CSMD3: variants seen among roughly 807,000 people sequenced by gnomAD.
The protein encoded by CSMD3 is CUB and Sushi multiple domains 3, also known as CUB and sushi domain-containing protein 3.
In CSMD3, 177 loss-of-function variants were observed where a neutral mutation model predicts 435.2. The observed-to-expected ratio is 0.41, with a 90% confidence interval of 0.36 to 0.46. CSMD3 has a LOEUF of 0.46. Ranked by LOEUF, CSMD3 falls within the 20% of genes least tolerant of loss-of-function variation. The pLI, the probability that CSMD3 is intolerant of heterozygous loss-of-function variation, is 0.34. For missense variants in CSMD3, 4,265 were observed against 4,504.6 expected, an observed-to-expected ratio of 0.95 and a Z score of 1.52; for synonymous variants, 1,656 against 1,520.5, an observed-to-expected ratio of 1.09 and a Z score of -2.07.
intron 2 of CSMD3, among the ~76,000 whole-genome samples, chr8:113,285,237 C>T (rs1424133860): frequency 6.7e-6 from 1 of 150,148 alleles, no homozygotes. Context: ...AATGGGGAGC[C>T]ATTGTCTGAC....
intron 32 of CSMD3, among the ~76,000 whole-genome samples, chr8:112,418,113 GAACAGA>G (rs1163344866): frequency 9.2e-5 from 14 of 152,078 alleles, no homozygotes; most frequent in African/African-American, 3.4e-4. Context: ...AGTACTGACA[GAACAGA>G]AATAAAGAAG....
At chr8:112,667,698 A>G (rs995578286) in intron 16 of CSMD3, among the ~76,000 whole-genome samples, 2 of 152,100 alleles carry the variant, frequency 1.3e-5, no homozygotes, top group Non-Finnish European at 2.9e-5. Context: ...TACTTTCAGG[A>G]AGTATACACA....
chr8:112,709,848 C>G (rs1236358664), intron 13 of CSMD3, among the ~76,000 whole-genome samples: 1 of 151,296 alleles, frequency 6.6e-6, no homozygotes. Context: ...GAGAAGACTC[C>G]TGTTGAAAAT....
At chr8:112,781,841 A>C (rs771642722) in intron 13 of CSMD3, among the ~76,000 whole-genome samples, 1 of 152,170 alleles carries the variant, frequency 6.6e-6, no homozygotes, top group South Asian at 2.1e-4. Flanking sequence ...CAGTATCTCC[A>C]TAAGACTGCA....
chr8:113,120,547 T>C (rs983475078), intron 4 of CSMD3, among the ~76,000 whole-genome samples: 10 of 152,222 alleles, frequency 6.6e-5, no homozygotes, highest in African/African-American at 4.8e-5. Context: ...CAGCGTTTTA[T>C]GTATTTAGTA....
chr8:113,427,765 G>A (rs1268859771), intron 1 of CSMD3, among the ~76,000 whole-genome samples: 3 of 151,580 alleles, frequency 2.0e-5, no homozygotes, highest in African/African-American at 7.3e-5. Context: ...TTCCTGCCTA[G>A]TAAACACTAG....
At chr8:112,554,889 C>T (rs182853494) in intron 25 of CSMD3, among the ~76,000 whole-genome samples, 43 of 151,964 alleles carry the variant, frequency 2.8e-4, no homozygotes, top group African/African-American at 8.7e-4. Context: ...TTGACTGAGG[C>T]TAAAACATAG....
chr8:112,350,403 C>T (rs1826030175), intron 40 of CSMD3, among the ~76,000 whole-genome samples: 1 of 151,326 alleles, frequency 6.6e-6, no homozygotes, highest in Non-Finnish European at 1.5e-5. Flanking sequence ...AATATGTTTG[C>T]CAATACTTTA....
intron 53 of CSMD3, among the ~76,000 whole-genome samples, chr8:112,298,087 A>T (rs942987484): frequency 6.5e-5 from 9 of 138,360 alleles, no homozygotes; most frequent in East Asian, 4.5e-4. Context: ...AAAAAAAAAA[A>T]AAATAAGTAA....
At chr8:112,435,357 T>C (rs1826837905) in intron 32 of CSMD3, among the ~76,000 whole-genome samples, 2 of 151,962 alleles carry the variant, frequency 1.3e-5, no homozygotes, top group Non-Finnish European at 2.9e-5. Context: ...GTATTAACAT[T>C]CTTGTTTCAT....
At chr8:113,257,705 A>G (rs2093394438) in intron 3 of CSMD3, among the ~76,000 whole-genome samples, 1 of 152,220 alleles carries the variant, frequency 6.6e-6, no homozygotes, top group Non-Finnish European at 1.5e-5. Context: ...TCAGGAAATT[A>G]GATAATAACT....
intron 2 of CSMD3, among the ~76,000 whole-genome samples, chr8:113,281,543 TG>T (rs1346210206): frequency 1.5e-4 from 23 of 151,992 alleles, no homozygotes; most frequent in African/African-American, 4.6e-4. Flanking sequence ...TTAGTTTATG[TG>T]AGTCCTTATG....
intron 5 of CSMD3, among the ~76,000 whole-genome samples, chr8:113,069,506 T>C (rs1359600341): frequency 6.6e-6 from 1 of 152,162 alleles, no homozygotes; most frequent in Non-Finnish European, 1.5e-5. Flanking sequence ...TTTTTAACTG[T>C]TAGAATTCTG....
At chr8:112,292,767 A>G in intron 54 of CSMD3, 57 bp from the exon 55 acceptor site, 1 of 1,439,286 alleles carries the variant, frequency 6.9e-7, no homozygotes, top group Non-Finnish European at 9.8e-7. Context: ...ATATTTAGTT[A>G]TCAGTTATTG....
chr8:112,621,109 C>T (rs780899088), intron 22 of CSMD3, among the ~76,000 whole-genome samples: 24 of 152,044 alleles, frequency 1.6e-4, no homozygotes, highest in Non-Finnish European at 2.8e-4. Context: ...GTGGCACATG[C>T]CTGTAACTCC....
intron 3 of CSMD3, among the ~76,000 whole-genome samples, chr8:113,232,139 G>T (rs66971401): frequency 0.1 from 15,747 of 151,416 alleles, 959 homozygotes; most frequent in Middle Eastern, 0.17. Flanking sequence ...TAAATGTATT[G>T]CTGGGTACCT....
intron 10 of CSMD3, among the ~76,000 whole-genome samples, chr8:112,895,029 A>G (rs2081911415): frequency 6.6e-6 from 1 of 151,392 alleles, no homozygotes; most frequent in African/African-American, 2.4e-5. Flanking sequence ...TATAAGGCTA[A>G]GTAATGTCTA....
At chr8:113,007,614 T>C (rs976126570) in intron 6 of CSMD3, among the ~76,000 whole-genome samples, 9 of 151,882 alleles carry the variant, frequency 5.9e-5, no homozygotes, top group African/African-American at 1.9e-4. Context: ...CCACCCAAGT[T>C]TGTGGCACTT....
intron 32 of CSMD3, among the ~76,000 whole-genome samples, chr8:112,465,176 G>C (rs1323259708): frequency 6.6e-6 from 1 of 152,082 alleles, no homozygotes; most frequent in Admixed American, 6.5e-5. Context: ...TATTTTAGCT[G>C]CTTTTAAGCC....
Sources: gnomAD v4.1 joint callset for allele counts (sites outside exome capture counted in the v4.1 genomes callset) on GRCh38, gnomAD v4.1.1 for gene constraint, MANE v1.5 for transcripts, NCBI Gene and HGNC (gene_info 2026-07-23, HGNC 2026-07-21) for gene names.